The following TLE1 variants were observed in gnomAD, a reference collection of about 807,000 sequenced individuals.
TLE1 encodes the protein transducin-like enhancer protein 1.
TLE1 carries 21 observed loss-of-function variants against 89.8 expected under a neutral mutation model. The ratio of observed to expected loss-of-function variants is 0.23; its 90% CI spans 0.17 to 0.34. The LOEUF is 0.34. Among genes scored for constraint, TLE1 ranks in the 10% least tolerant of loss-of-function variants. TLE1 has a pLI of 1.00. For missense variants in TLE1, 795 were observed against 1,031.2 expected, an observed-to-expected ratio of 0.77 and a Z score of 3.14; for synonymous variants, 447 against 407.6, an observed-to-expected ratio of 1.10 and a Z score of -1.16.
intron 8 of TLE1, among the ~76,000 whole-genome samples, chr9:81,624,857 A>G (rs896174894): frequency 6.6e-6 from 1 of 152,202 alleles, no homozygotes; most frequent in Non-Finnish European, 1.5e-5. Flanking sequence ...CAGCCCACGG[A>G]GGACATTACA....
intron 4 of TLE1, among the ~76,000 whole-genome samples, chr9:81,661,206 T>TTA (rs34610877): frequency 8.8e-5 from 12 of 136,386 alleles, no homozygotes; most frequent in Middle Eastern, 3.8e-3. Flanking sequence ...ATATGTATTT[T>TTA]TATATATATA....
intron 8 of TLE1, among the ~76,000 whole-genome samples, chr9:81,632,983 C>T (rs374270718): frequency 1.6e-3 from 245 of 152,266 alleles, no homozygotes; most frequent in African/African-American, 5.5e-3. Flanking sequence ...AATGAATATT[C>T]TTTTAAACTA....
In TLE1 at chr9:81,584,302, T is replaced by G; in HGVS notation, c.2209A>C (p.Lys737Gln). Residue 737 changes from lysine (K) to glutamine (Q), a missense_variant, in exon 20 of 20, where the codon AAA becomes CAA. This residue lies in a region of TLE1 where 214 missense variants were observed against 354.9 expected (regional missense o/e 0.60). Coordinates refer to ENST00000376499, the MANE Select transcript of TLE1 (RefSeq NM_005077.5). ...TPYGASIFQS[K>Q]ESSSVLSCDI... ...CAGCTAAGCACTGACGAGGACTCTT[T>G]GGACTGGAAGAGAAAACAATGGACA... is the stretch of plus-strand genomic sequence containing the variant. The G allele has an allele frequency of 6.2e-7, 1 of 1,614,050 alleles. No individual in the cohort carries two copies. The highest frequency in any genetic ancestry group is 8.5e-7 in the Non-Finnish European group (1 of 1,179,946).
chr9:81,638,706 T>C (rs998877654), intron 6 of TLE1, among the ~76,000 whole-genome samples: 65 of 151,514 alleles, frequency 4.3e-4, no homozygotes, highest in African/African-American at 1.4e-3. Flanking sequence ...CTCACTACAA[T>C]CTCCTCCTTC....
intron 9 of TLE1, 126 bp downstream of exon 9, chr9:81,620,315 G>C: frequency 1.3e-6 from 1 of 778,066 alleles, no homozygotes; most frequent in Non-Finnish European, 2.1e-6. Flanking sequence ...TACAATGTAA[G>C]AACCTCTCCT....
chr9:81,644,554 G>A (rs1828579784), intron 6 of TLE1, among the ~76,000 whole-genome samples: 1 of 152,142 alleles, frequency 6.6e-6, no homozygotes, highest in South Asian at 2.1e-4. Flanking sequence ...GCAGCCAGAG[G>A]TTAGGGGAGG....
At chr9:81,631,844 T>C (rs1207678482) in intron 8 of TLE1, among the ~76,000 whole-genome samples, 2 of 152,222 alleles carry the variant, frequency 1.3e-5, no homozygotes, top group Non-Finnish European at 2.9e-5. Flanking sequence ...GGCTCAGGCC[T>C]GCAATCCCAG....
At chr9:81,647,049 G>A (rs1038548272) in intron 6 of TLE1, among the ~76,000 whole-genome samples, 1 of 151,124 alleles carries the variant, frequency 6.6e-6, no homozygotes, top group African/African-American at 2.4e-5. Context: ...TTTTTCTCTT[G>A]TGCATAGGTT....
chr9:81,687,238 A>G (rs1834407921), intron 2 of TLE1, 96 bp downstream of exon 2: 1 of 978,914 alleles, frequency 1.0e-6, no homozygotes, highest in Non-Finnish European at 1.5e-6. Flanking sequence ...CACCGCCTGG[A>G]CGCAAGAACT....
intron 4 of TLE1, among the ~76,000 whole-genome samples, chr9:81,678,915 T>G (rs759119505): frequency 6.6e-6 from 1 of 151,940 alleles, no homozygotes; most frequent in East Asian, 1.9e-4. Flanking sequence ...CTGAGGAAGG[T>G]GGATCACCTG....
intron 6 of TLE1, among the ~76,000 whole-genome samples, chr9:81,648,271 C>CAA (rs56842573): frequency 0.015 from 1,889 of 122,370 alleles, 62 homozygotes; most frequent in African/African-American, 0.051. Flanking sequence ...ACACTGTCTC[C>CAA]AAAAAAAAAA....
Position 81,689,462 on chromosome 9 carries a change from T to C in TLE1, c.-1222A>G, listed in dbSNP as rs900091661. Among the ~76,000 whole-genome samples, 1 of 151,798 alleles carries C rather than the reference T, an allele frequency of 6.6e-6. No homozygotes were observed. The highest frequency in any genetic ancestry group is 1.5e-5 in the Non-Finnish European group (1 of 67,882). ...TGCCTCCGGGACGCGGGGCACAGAGTACCCGCCGCTGTTTCTGCTGCTGCT... is the reference window on the plus strand; with the variant it reads ...TGCCTCCGGGACGCGGGGCACAGAGCACCCGCCGCTGTTTCTGCTGCTGCT... On this transcript the variant is annotated 5_prime_UTR_variant, in exon 1 of 20. Transcript: ENST00000376499.
intron 14 of TLE1, among the ~76,000 whole-genome samples, chr9:81,602,785 A>G (rs1195331768): frequency 6.6e-6 from 1 of 152,178 alleles, no homozygotes. Flanking sequence ...GACCTTACTG[A>G]CAAAACTGGG....
intron 4 of TLE1, among the ~76,000 whole-genome samples, chr9:81,656,017 G>A (rs1564034239): frequency 6.6e-6 from 1 of 152,090 alleles, no homozygotes; most frequent in African/African-American, 2.4e-5. Context: ...AATTCTCCCT[G>A]ACCACCAATG....
At chr9:81,606,734 C>A (rs1451837346) in intron 14 of TLE1, among the ~76,000 whole-genome samples, 1 of 151,112 alleles carries the variant, frequency 6.6e-6, no homozygotes, top group Admixed American at 6.6e-5. Context: ...ATGTAACAAA[C>A]CTGAACATTG....
intron 4 of TLE1, among the ~76,000 whole-genome samples, chr9:81,668,351 T>C (rs1380625124): frequency 6.6e-6 from 1 of 152,122 alleles, no homozygotes; most frequent in African/African-American, 2.4e-5. Flanking sequence ...TAGCTAAATT[T>C]TTCAAAGCAT....
At chr9:81,616,783 G>T in intron 9 of TLE1, 84 bp from the exon 10 acceptor site, 2 of 1,523,396 alleles carry the variant, frequency 1.3e-6, no homozygotes, top group Non-Finnish European at 1.8e-6. Context: ...ATAGTTCCTG[G>T]TAGCAGACAG....
chr9:81,584,624 T>C, intron 18 of TLE1, 100 bp from the exon 19 acceptor site: 1 of 1,052,358 alleles, frequency 9.5e-7, no homozygotes, highest in Non-Finnish European at 1.4e-6. Flanking sequence ...TTTTAATATA[T>C]GAACTATCAT....
At chr9:81,659,816 C>G (rs1018243038) in intron 4 of TLE1, among the ~76,000 whole-genome samples, 2 of 152,162 alleles carry the variant, frequency 1.3e-5, no homozygotes, top group Non-Finnish European at 2.9e-5. Flanking sequence ...CACCAATCTA[C>G]TTGAGAGTTT....
Sources: allele counts gnomAD v4.1 joint callset (sites outside exome capture counted in the v4.1 genomes callset), GRCh38; gene constraint gnomAD v4.1.1; regional missense constraint gnomAD v4.1.1; transcripts MANE v1.5; gene names NCBI Gene and HGNC (gene_info 2026-07-23, HGNC 2026-07-21).